LARP1B: variants seen among roughly 807,000 people sequenced by gnomAD.
LARP1B encodes la-related protein 1B.
Under a neutral mutation model 114.2 loss-of-function variants are expected in LARP1B, and 76 were observed. The ratio of observed to expected loss-of-function variants is 0.67; its 90% CI spans 0.55 to 0.81. LARP1B has a LOEUF of 0.81. LARP1B is among the 30% of genes least tolerant of loss of function. The pLI, the probability that LARP1B is intolerant of heterozygous loss-of-function variation, is 0.00. For missense variants in LARP1B, 1,014 were observed against 1,075.8 expected, an observed-to-expected ratio of 0.94 and a Z score of 0.80; for synonymous variants, 345 against 348.0, an observed-to-expected ratio of 0.99 and a Z score of 0.10.
At chr4:128,195,466 G>A (rs1225575498) in intron 15 of LARP1B, among the ~76,000 whole-genome samples, 1 of 152,108 alleles carries the variant, frequency 6.6e-6, no homozygotes, top group Non-Finnish European at 1.5e-5. Context: ...TTTATTCATT[G>A]TGGAGAATTT....
chr4:128,143,844 G>C (rs1729172813), intron 11 of LARP1B, among the ~76,000 whole-genome samples: 1 of 90,310 alleles, frequency 1.1e-5, no homozygotes, highest in South Asian at 4.2e-4. Flanking sequence ...CTTTTAAAGA[G>C]TGAAAAGTAC....
chr4:128,174,706 AT>A lies in LARP1B; in HGVS notation c.1649-2165del, dbSNP rs1197389513. Among the ~76,000 whole-genome samples the A allele has an allele frequency of 1.3e-4, 20 of 152,178 alleles. No individual in the cohort carries two copies. In the South Asian group the frequency reaches 4.1e-3, roughly 32 times the overall value. On this transcript the variant is annotated intron_variant, in intron 12 of 19. Transcript: ENST00000326639. ...GTTAATAGTTTGACATTCTTTTTTAATCTGTACCTTGCCTCCCGATCTATTC... is the reference window on the plus strand; with the variant it reads ...GTTAATAGTTTGACATTCTTTTTTAACTGTACCTTGCCTCCCGATCTATTC...
chr4:128,207,251 A>T lies in LARP1B; in HGVS notation c.2420-5A>T, dbSNP rs1185624345. On this transcript the variant is annotated splice_region_variant and splice_polypyrimidine_tract_variant and intron_variant, in intron 18 of 19. Coordinates refer to ENST00000326639, the MANE Select transcript of LARP1B (RefSeq NM_018078.4). ...TTCATAATGTATATTATTCTTTGTTATTAGGTCAGCTGTATGGACTAGAAA... is the reference window on the plus strand; with the variant it reads ...TTCATAATGTATATTATTCTTTGTTTTTAGGTCAGCTGTATGGACTAGAAA... 11 of 1,335,220 alleles carry T rather than the reference A, an allele frequency of 8.2e-6. No homozygotes were observed. Among genetic ancestry groups the T allele is most frequent in the Non-Finnish European group, 1.1e-5 (11 of 997,050 alleles). 82.7% of individuals were successfully genotyped at this position (1,335,220 alleles called of 1,614,324 possible).
intron 19 of LARP1B, among the ~76,000 whole-genome samples, chr4:128,208,509 T>A (rs1561579662): frequency 6.6e-6 from 1 of 152,208 alleles, no homozygotes; most frequent in Non-Finnish European, 1.5e-5. Flanking sequence ...TTAAGAGCTA[T>A]TTTTCTAGAG....
chr4:128,152,998 TTG>T (rs1455551771), intron 11 of LARP1B, among the ~76,000 whole-genome samples: 36 of 144,276 alleles, frequency 2.5e-4, no homozygotes, highest in African/African-American at 9.4e-4. Flanking sequence ...TTTTTTTTTT[TTG>T]AGATGGAGTT....
At chr4:128,157,075 TAGAAAC>T (rs1320369148) in intron 11 of LARP1B, among the ~76,000 whole-genome samples, 5 of 151,468 alleles carry the variant, frequency 3.3e-5, no homozygotes, top group African/African-American at 9.7e-5. Flanking sequence ...CAACAGGAAA[TAGAAAC>T]AGACCCCTAG....
chr4:128,112,362 C>G (rs1784404231), intron 9 of LARP1B, among the ~76,000 whole-genome samples: 1 of 150,860 alleles, frequency 6.6e-6, no homozygotes, highest in Non-Finnish European at 1.5e-5. Context: ...TTGGGAGTAC[C>G]TGGTCTTTAA....
At chr4:128,081,835 A>G (rs1770593646) in intron 4 of LARP1B, among the ~76,000 whole-genome samples, 3 of 152,190 alleles carry the variant, frequency 2.0e-5, no homozygotes, top group South Asian at 4.1e-4. Flanking sequence ...CCCAGGCTCA[A>G]GCTATTCTCG....
At chr4:128,204,123 G>T (rs1224180665) in intron 17 of LARP1B, among the ~76,000 whole-genome samples, 1 of 152,036 alleles carries the variant, frequency 6.6e-6, no homozygotes, top group African/African-American at 2.4e-5. Flanking sequence ...TATAAATGTT[G>T]TATTGTCATC....
intron 15 of LARP1B, among the ~76,000 whole-genome samples, chr4:128,194,600 G>C (rs189136098): frequency 0.051 from 7,617 of 148,480 alleles, 645 homozygotes; most frequent in African/African-American, 0.18. Flanking sequence ...GGAGAATGGC[G>C]TGAACCCGGG....
At chr4:128,127,563 G>A (rs945310259) in intron 11 of LARP1B, among the ~76,000 whole-genome samples, 1 of 152,206 alleles carries the variant, frequency 6.6e-6, no homozygotes, top group Non-Finnish European at 1.5e-5. Context: ...GCCGGGCACG[G>A]TGGCTCACGC....
At chr4:128,212,541 G>A (rs1485485778), downstream of LARP1B, among the ~76,000 whole-genome samples, 1 of 152,058 alleles carries the variant, frequency 6.6e-6, no homozygotes, top group African/African-American at 2.4e-5. Flanking sequence ...CAGCTACTGG[G>A]GAGGCTGAGA....
At chr4:128,101,109 C>T (rs1040927775) in intron 8 of LARP1B, among the ~76,000 whole-genome samples, 6 of 151,288 alleles carry the variant, frequency 4.0e-5, no homozygotes, top group Admixed American at 2.0e-4. Flanking sequence ...TGAGCCACCG[C>T]GCCTGGCTTC....
intron 11 of LARP1B, chr4:128,123,050 T>C (rs879220010): frequency 1.0e-6 from 1 of 985,358 alleles, no homozygotes. Context: ...GAAATAAAGT[T>C]GTAGGAAGAA....
In LARP1B at chr4:128,098,747, G is replaced by GTGTGTATATATATATATATATATATATA; in HGVS notation, c.813+418_813+419insGTGTATATATATATATATATATATATAT. On this transcript the variant is annotated intron_variant, in intron 8 of 19. Coordinates refer to ENST00000326639, the MANE Select transcript of LARP1B (RefSeq NM_018078.4). ...AGCATGTGTTCCTGTATATGTATGT[G>GTGTGTATATATATATATATATATATATA]TATATATATATATATATATATTTTT... Among the ~76,000 whole-genome samples, 53 of 15,576 alleles carry GTGTGTATATATATATATATATATATATA rather than the reference G, an allele frequency of 3.4e-3. 14 individuals are homozygous for GTGTGTATATATATATATATATATATATA. The highest frequency in any genetic ancestry group is 4.8e-3 in the Non-Finnish European group (37 of 7,726). The allele number at this position is 15,576 out of a possible 152,430, so 10.2% of individuals were successfully genotyped here. A position where few individuals can be genotyped will look rare whatever the true frequency, so the allele number is the denominator to read the frequency against.
At chr4:128,075,258 TG>T (rs749085525) in intron 3 of LARP1B, among the ~76,000 whole-genome samples, 18 of 151,842 alleles carry the variant, frequency 1.2e-4, no homozygotes, top group Admixed American at 3.3e-4. Context: ...CGCACCACTG[TG>T]CACAGCTAAT....
At chr4:128,148,499 A>C (rs1731295183) in intron 11 of LARP1B, among the ~76,000 whole-genome samples, 1 of 152,150 alleles carries the variant, frequency 6.6e-6, no homozygotes, top group Non-Finnish European at 1.5e-5. Flanking sequence ...TATAAAATAA[A>C]GTATTGAAGT....
At chr4:128,063,592 T>A (rs1761251613) in intron 1 of LARP1B, among the ~76,000 whole-genome samples, 2 of 149,594 alleles carry the variant, frequency 1.3e-5, no homozygotes, top group Admixed American at 1.3e-4. Flanking sequence ...CCATCCTGAC[T>A]AACATGGAGA....
At chr4:128,175,297 A>G (rs1284793069) in intron 12 of LARP1B, among the ~76,000 whole-genome samples, 1 of 152,134 alleles carries the variant, frequency 6.6e-6, no homozygotes, top group Non-Finnish European at 1.5e-5. Flanking sequence ...CTATAGCATC[A>G]TAGCATATCT....
Sources: allele counts gnomAD v4.1 joint callset (sites outside exome capture counted in the v4.1 genomes callset), GRCh38; gene constraint gnomAD v4.1.1; transcripts MANE v1.5; gene names NCBI Gene and HGNC (gene_info 2026-07-23, HGNC 2026-07-21).